The following PCDH9 variants were observed in gnomAD, a reference collection of about 807,000 sequenced individuals.
PCDH9 encodes the protein protocadherin-9.
Under a neutral mutation model 70.6 loss-of-function variants are expected in PCDH9, and 24 were observed. The ratio of observed to expected loss-of-function variants is 0.34; its 90% CI spans 0.25 to 0.48. The LOEUF (loss-of-function observed/expected upper bound fraction) is 0.48. Among genes scored for constraint, PCDH9 ranks in the 20% least tolerant of loss-of-function variants. PCDH9 has a pLI of 0.99. For missense variants in PCDH9, 1,281 were observed against 1,503.6 expected (o/e 0.85, Z 2.45); for synonymous variants, 562 against 558.5 (o/e 1.01, Z -0.09).
At chr13:66,717,280 ACT>A (rs1323542089) in intron 3 of PCDH9, among the ~76,000 whole-genome samples, 1 of 150,608 alleles carries the variant, frequency 6.6e-6, no homozygotes, top group Non-Finnish European at 1.5e-5. Context: ...AAATGGCGAA[ACT>A]CTGTACTAAA....
intron 4 of PCDH9, among the ~76,000 whole-genome samples, chr13:66,432,927 C>T (rs778617600): frequency 5.0e-4 from 76 of 152,006 alleles, no homozygotes; most frequent in Non-Finnish European, 1.0e-3. Flanking sequence ...CTGTGCATAC[C>T]AGAAAAATAT....
At chr13:66,470,666 A>G (rs1656241555) in intron 4 of PCDH9, among the ~76,000 whole-genome samples, 1 of 151,870 alleles carries the variant, frequency 6.6e-6, no homozygotes, top group South Asian at 2.1e-4. Flanking sequence ...ATAACTAGAG[A>G]AAAAGCCAAG....
At chr13:67,013,264 AACACACAC>A (rs111347560) in intron 2 of PCDH9, among the ~76,000 whole-genome samples, 8 of 144,386 alleles carry the variant, frequency 5.5e-5, no homozygotes, top group South Asian at 2.2e-4. Flanking sequence ...TTTTTAATGT[AACACACAC>A]ACACACACAC....
intron 4 of PCDH9, among the ~76,000 whole-genome samples, chr13:66,431,833 A>G (rs1365079740): frequency 2.6e-5 from 4 of 152,026 alleles, no homozygotes. Context: ...TCCAAGATTC[A>G]TTAGGGTTTT....
At chr13:66,408,935 G>A (rs1026618487) in intron 4 of PCDH9, among the ~76,000 whole-genome samples, 5 of 152,060 alleles carry the variant, frequency 3.3e-5, no homozygotes, top group Non-Finnish European at 5.9e-5. Flanking sequence ...CTACTTCTAA[G>A]GCTATAGAAA....
intron 4 of PCDH9, among the ~76,000 whole-genome samples, chr13:66,314,238 C>T (rs545393235): frequency 6.6e-6 from 1 of 152,318 alleles, no homozygotes; most frequent in Non-Finnish European, 1.5e-5. Flanking sequence ...CGCTCCTTTC[C>T]CAGTGGTCTA....
At chr13:66,682,709 T>C (rs1172153221) in intron 3 of PCDH9, among the ~76,000 whole-genome samples, 1 of 152,202 alleles carries the variant, frequency 6.6e-6, no homozygotes, top group East Asian at 1.9e-4. Context: ...ACCATAGTTA[T>C]AATTTTATTC....
intron 4 of PCDH9, among the ~76,000 whole-genome samples, chr13:66,555,792 A>G (rs1183613839): frequency 6.7e-6 from 1 of 150,318 alleles, no homozygotes; most frequent in Non-Finnish European, 1.5e-5. Context: ...ACTGTGTTCT[A>G]CAAAAGCAAT....
chr13:66,739,297 A>C (rs1263093928), intron 3 of PCDH9, among the ~76,000 whole-genome samples: 4 of 119,914 alleles, frequency 3.3e-5, no homozygotes, highest in Non-Finnish European at 7.4e-5. Context: ...ATGCTGAGAG[A>C]TTTTGTCACC....
intron 3 of PCDH9, among the ~76,000 whole-genome samples, chr13:66,779,866 T>TGTAC: frequency 1.4e-5 from 1 of 71,752 alleles, no homozygotes; most frequent in East Asian, 4.2e-4. Context: ...TATATATATA[T>TGTAC]ACATATATGT....
At chr13:66,905,528 C>T (rs2082346314) in intron 2 of PCDH9, among the ~76,000 whole-genome samples, 1 of 152,042 alleles carries the variant, frequency 6.6e-6, no homozygotes, top group African/African-American at 2.4e-5. Flanking sequence ...AGTTTAGAAT[C>T]CTTGGGTTAA....
At chr13:66,797,573 G>T (rs9317614) in intron 3 of PCDH9, among the ~76,000 whole-genome samples, 60,883 of 151,840 alleles carry the variant, frequency 0.4, 12,843 homozygotes, top group East Asian at 0.58. Flanking sequence ...TAGATAAATC[G>T]CTAAGTGCAA....
At chr13:67,009,466 A>G (rs2084413394) in intron 2 of PCDH9, among the ~76,000 whole-genome samples, 1 of 152,130 alleles carries the variant, frequency 6.6e-6, no homozygotes, top group Admixed American at 6.6e-5. Flanking sequence ...TTTTCTTTAA[A>G]GAGAGCTCTA....
intron 2 of PCDH9, among the ~76,000 whole-genome samples, chr13:67,073,407 T>C (rs2085806839): frequency 6.6e-6 from 1 of 152,072 alleles, no homozygotes; most frequent in Non-Finnish European, 1.5e-5. Context: ...GTTTAAAACA[T>C]ACCTGAAAGT....
chr13:66,794,287 A>G (rs2080205666), intron 3 of PCDH9, among the ~76,000 whole-genome samples: 2 of 152,112 alleles, frequency 1.3e-5, no homozygotes, highest in Non-Finnish European at 2.9e-5. Flanking sequence ...AAAGAAGGAA[A>G]GAGAGGGAGG....
chr13:66,751,663 A>C (rs2079461479), intron 3 of PCDH9, among the ~76,000 whole-genome samples: 1 of 152,234 alleles, frequency 6.6e-6, no homozygotes, highest in African/African-American at 2.4e-5. Context: ...AATCATGGAT[A>C]TGGTCCCAGC....
At chr13:66,343,074 GTAT>G (rs1202015666) in intron 4 of PCDH9, among the ~76,000 whole-genome samples, 15 of 152,020 alleles carry the variant, frequency 9.9e-5, no homozygotes, top group Non-Finnish European at 1.0e-4. Context: ...AACTTCACTG[GTAT>G]CTGTAATTGC....
At chr13:66,703,369 C>T (rs2078671397) in intron 3 of PCDH9, among the ~76,000 whole-genome samples, 1 of 152,168 alleles carries the variant, frequency 6.6e-6, no homozygotes. Context: ...ATTATATCCA[C>T]TTTGTTTACG....
intron 2 of PCDH9, among the ~76,000 whole-genome samples, chr13:66,957,587 T>C (rs141199420): frequency 6.6e-6 from 1 of 152,194 alleles, no homozygotes; most frequent in Non-Finnish European, 1.5e-5. Flanking sequence ...GATGGGGCCT[T>C]TGGGAGATAA....
Sources: gnomAD v4.1 joint callset for allele counts (sites outside exome capture counted in the v4.1 genomes callset) on GRCh38, gnomAD v4.1.1 for gene constraint, MANE v1.5 for transcripts, NCBI Gene and HGNC (gene_info 2026-07-23, HGNC 2026-07-21) for gene names.